Variants in TRAPPC2 observed in about 807,000 individuals in gnomAD.
TRAPPC2 encodes the protein sedlin.
In TRAPPC2, 4 loss-of-function variants were observed where a neutral mutation model predicts 10.0. The ratio of observed to expected loss-of-function variants is 0.40; its 90% CI spans 0.20 to 0.92. The LOEUF (loss-of-function observed/expected upper bound fraction) is 0.92. Ranked by LOEUF, TRAPPC2 falls within the 40% of genes least tolerant of loss-of-function variation. TRAPPC2 has a pLI of 0.35. For missense variants in TRAPPC2, 52 were observed against 108.7 expected (o/e 0.48, Z 2.32); for synonymous variants, 36 against 37.3 (o/e 0.97, Z 0.12).
At chrX:13,728,917 A>C (rs757197278) in intron 2 of TRAPPC2, among the ~76,000 whole-genome samples, 1 of 112,290 alleles carries the variant, frequency 8.9e-6, no homozygotes, top group Admixed American at 9.4e-5. Context: ...AGGATACAAA[A>C]TCAATATGCA....
rs1057515794 is a variant in TRAPPC2 at position 13,714,143 on chromosome X, G to GAAAA, written c.*260_*263dup. The GAAAA allele has an allele frequency of 5.1e-4, 32 of 62,617 alleles. No homozygotes were observed. The highest frequency in any genetic ancestry group is 5.7e-4 in the Non-Finnish European group (20 of 34,909). 5.2% of individuals were successfully genotyped at this position (62,617 alleles called of 1,213,427 possible). Reference sequence around the variant, plus strand: ...GGCAACAGAGTGAGACTCTGTATCAGAAAAAAAAAAAAAAAAAAAACATGA... The same window carrying GAAAA: ...GGCAACAGAGTGAGACTCTGTATCAGAAAAAAAAAAAAAAAAAAAAAAAACATGA... On this transcript the variant is annotated 3_prime_UTR_variant, in exon 6 of 6. Transcript: ENST00000380579.
chrX:13,728,045 A>G (rs2046591530), intron 2 of TRAPPC2, among the ~76,000 whole-genome samples: 1 of 112,236 alleles, frequency 8.9e-6, no homozygotes, highest in Non-Finnish European at 1.9e-5. Flanking sequence ...CCAAGGCTAA[A>G]CCAGGAAGAA....
chrX:13,726,063 A>G (rs2046543831), intron 2 of TRAPPC2, among the ~76,000 whole-genome samples: 1 of 112,274 alleles, frequency 8.9e-6, no homozygotes, highest in Non-Finnish European at 1.9e-5. Context: ...TAGAGAAAAA[A>G]GAATAAAAAG....
chrX:13,728,132 C>T (rs192024285), intron 2 of TRAPPC2, among the ~76,000 whole-genome samples: 37 of 111,596 alleles, frequency 3.3e-4, no homozygotes, highest in African/African-American at 1.2e-3. Flanking sequence ...AAAAAAAGTC[C>T]AGGACCAGAT....
intron 2 of TRAPPC2, among the ~76,000 whole-genome samples, chrX:13,727,094 T>C (rs1055140034): frequency 3.6e-5 from 4 of 111,908 alleles, no homozygotes; most frequent in African/African-American, 9.7e-5. Context: ...CAGGAGCACC[T>C]AGATTCATAA....
At position 13,724,437 on chromosome X, in the gene TRAPPC2, G is replaced by A. The variant is rs16979163; in HGVS notation, c.-19-4455C>T. ...AAAAAAAAGAGGCTTTTTAGGCTACGATCAGGAAAAAGCAAGGGAGAAGGG... is the reference window on the plus strand; with the variant it reads ...AAAAAAAAGAGGCTTTTTAGGCTACAATCAGGAAAAAGCAAGGGAGAAGGG... On this transcript the variant is annotated intron_variant, in intron 2 of 5. Transcript: ENST00000380579. 6.4e-3 allele frequency among the ~76,000 whole-genome samples: 685 copies of A among 106,780 alleles called. 4 individuals carry two copies. The highest frequency in any genetic ancestry group is 0.022 in the African/African-American group (652 of 29,213). 92.7% of individuals were successfully genotyped at this position (106,780 alleles called of 115,157 possible).
At chrX:13,729,637 G>A (rs1176586763) in intron 2 of TRAPPC2, among the ~76,000 whole-genome samples, 3 of 111,908 alleles carry the variant, frequency 2.7e-5, no homozygotes, top group Admixed American at 9.4e-5. Context: ...GGCTGGGCAC[G>A]GTGGCTCAAG....
intron 2 of TRAPPC2, chrX:13,721,345 T>C (rs1190763252): frequency 8.9e-6 from 1 of 112,398 alleles, no homozygotes. Context: ...GGTGCACTTA[T>C]GAGGATCACA....
rs1237828973 is a variant in TRAPPC2 at position 13,734,062 on chromosome X, A to T, written c.-38T>A. 1.4e-5 allele frequency: 7 copies of T among 513,007 alleles called. No homozygotes were observed. The Admixed American group carries it at 1.9e-4, about 14-fold the overall frequency. 42.3% of individuals were successfully genotyped at this position (513,007 alleles called of 1,213,427 possible). On this transcript the variant is annotated 5_prime_UTR_variant, in exon 2 of 6. It introduces an in-frame stop codon into an upstream open reading frame of the 5' UTR. Coordinates refer to ENST00000380579, the MANE Select transcript of TRAPPC2 (RefSeq NM_001011658.4). The stretch of plus-strand genomic sequence containing the variant: ...GGCTCACCTTTACCTCACAGCACAC[A>T]ATGGTTGGTACTCTAAAACGTTTAG...
intron 2 of TRAPPC2, among the ~76,000 whole-genome samples, chrX:13,730,899 A>T (rs1037992067): frequency 2.5e-4 from 23 of 90,342 alleles, no homozygotes; most frequent in African/African-American, 9.7e-4. Context: ...AGGGAATATC[A>T]CACACTGGGG....
Position 13,716,785 on chromosome X carries a change from C to G in TRAPPC2, c.94-107G>C, listed in dbSNP as rs758999916. ...AGATGGTTTTCTTGTGGGGAAAAAA[C>G]AGTTTGCTTTTATACTTTGTTATTG... On this transcript the variant is annotated intron_variant, in intron 3 of 5. Transcript: ENST00000380579. The G allele has an allele frequency of 1.9e-4, 162 of 857,278 alleles. No individual in the cohort carries two copies. The South Asian group carries it at 3.7e-3, about 20-fold the overall frequency. The allele number at this position is 857,278 out of a possible 1,213,427, so 70.6% of individuals were successfully genotyped here.
chrX:13,724,122 T>C (rs2046488481), intron 2 of TRAPPC2, among the ~76,000 whole-genome samples: 1 of 111,150 alleles, frequency 9.0e-6, no homozygotes, highest in Admixed American at 9.6e-5. Flanking sequence ...AGATTCTTGT[T>C]TGGCTCTCAA....
rs938009151 is a variant in TRAPPC2 at position 13,714,232 on chromosome X, TAC to T, written c.*173_*174del. ...AAGGAAATACCAATTGATCTATTGA[TAC>T]GTGACATGAGACAGAATGTACTATT... On this transcript the variant is annotated 3_prime_UTR_variant, in exon 6 of 6. Coordinates refer to ENST00000380579, the MANE Select transcript of TRAPPC2 (RefSeq NM_001011658.4). The T allele has an allele frequency of 1.6e-5, 5 of 311,609 alleles. No homozygotes were observed. The Admixed American group carries it at 2.3e-4, about 15-fold the overall frequency. The allele number at this position is 311,609 out of a possible 1,213,427, so 25.7% of individuals were successfully genotyped here.
chrX:13,722,394 G>A (rs751070369), intron 2 of TRAPPC2, among the ~76,000 whole-genome samples: 10 of 110,584 alleles, frequency 9.0e-5, no homozygotes, highest in African/African-American at 3.3e-4. Flanking sequence ...GACTGCATGA[G>A]GATGCTGTTA....
intron 2 of TRAPPC2, among the ~76,000 whole-genome samples, chrX:13,733,393 G>GT (rs1053639706): frequency 1.8e-5 from 2 of 111,303 alleles, no homozygotes; most frequent in African/African-American, 6.5e-5. Flanking sequence ...ACTATATCGA[G>GT]TTCAGAGCTA....
At position 13,712,336 on chromosome X, in the gene TRAPPC2, C is replaced by T. The variant is rs2146759083; in HGVS notation, c.*2071G>A. The T allele has an allele frequency of 1.8e-5, 2 of 112,327 alleles. No homozygotes were observed. The highest frequency in any genetic ancestry group is 5.5e-4 in the East Asian group (2 of 3,604). The allele number at this position is 112,327 out of a possible 1,213,427, so 9.3% of individuals were successfully genotyped here. On this transcript the variant is annotated 3_prime_UTR_variant, in exon 6 of 6. Transcript: ENST00000380579. ...AAGACAAAGCTTAGAATTACTTGCTCAAAAGTTACTCAGAATGGAACAAAA... is the reference window on the plus strand; with the variant it reads ...AAGACAAAGCTTAGAATTACTTGCTTAAAAGTTACTCAGAATGGAACAAAA...
At chrX:13,719,831 T>A in intron 3 of TRAPPC2, 40 bp downstream of exon 3, 1 of 957,783 alleles carries the variant, frequency 1.0e-6, no homozygotes, top group Non-Finnish European at 1.5e-6. Flanking sequence ...AAAATCATAT[T>A]ATACCATATC....
chrX:13,721,932 T>A (rs2046417218), intron 2 of TRAPPC2: 1 of 110,335 alleles, frequency 9.1e-6, no homozygotes, highest in Non-Finnish European at 1.9e-5. Context: ...ATTTACTATC[T>A]GGCCCTTTAA....
In TRAPPC2 at chrX:13,730,466, G is replaced by A. The variant is rs184832144; in HGVS notation, c.-20+3578C>T. On this transcript the variant is annotated intron_variant, in intron 2 of 5. Transcript: ENST00000380579. ...AAATAGGAACACTTTTACACTGTTGGTGGGAGTGTAAATTAGTTCAATCAT... is the reference window on the plus strand; with the variant it reads ...AAATAGGAACACTTTTACACTGTTGATGGGAGTGTAAATTAGTTCAATCAT... Among the ~76,000 whole-genome samples the A allele has an allele frequency of 5.4e-5, 6 of 112,138 alleles. No individual in the cohort carries two copies. The East Asian group carries it at 1.7e-3, about 31-fold the overall frequency.
Sources: gnomAD v4.1 joint callset for allele counts (sites outside exome capture counted in the v4.1 genomes callset) on GRCh38, gnomAD v4.1.1 for gene constraint, MANE v1.5 for transcripts, NCBI Gene and HGNC (gene_info 2026-07-23, HGNC 2026-07-21) for gene names.